The following MAX variants were observed in gnomAD, a reference collection of about 807,000 sequenced individuals.
MAX encodes the protein MYC associated transcriptional regulator X, also known as protein max.
A neutral mutation model predicts 22.3 loss-of-function variants in MAX; 3 were observed. The observed-to-expected ratio is 0.13, with a 90% CI of 0.06 to 0.35. The LOEUF (loss-of-function observed/expected upper bound fraction) is 0.35. Among genes scored for constraint, MAX ranks in the 10% least tolerant of loss-of-function variants. MAX has a pLI of 1.00. For synonymous variants in MAX, 72 were observed against 77.7 expected, an observed-to-expected ratio of 0.93 and a Z score of 0.39; for missense variants, 119 against 209.4, an observed-to-expected ratio of 0.57 and a Z score of 2.66.
At chr14:65,100,761 T>C (rs1263967289) in intron 2 of MAX, among the ~76,000 whole-genome samples, 2 of 152,226 alleles carry the variant, frequency 1.3e-5, no homozygotes, top group African/African-American at 2.4e-5. Context: ...TCAAATCTAT[T>C]CATGAAACAT....
intron 3 of MAX, among the ~76,000 whole-genome samples, chr14:65,068,020 A>G (rs1187105046): frequency 6.6e-6 from 1 of 152,146 alleles, no homozygotes; most frequent in South Asian, 2.1e-4. Flanking sequence ...AACCTGCTTC[A>G]TCATGTTTAT....
At position 65,019,792 on chromosome 14, in the gene MAX, G is replaced by A. The variant is rs3783718; in HGVS notation, c.172-13508C>T. On this transcript the variant is annotated intron_variant, in intron 3 of 3. Transcript: ENST00000341653. Reference sequence around the variant, plus strand: ...TCTAGGTGCAGAAAACACTTGTTATGAACAAAGCCTACTGGCTCTGACCCA... The same window carrying A: ...TCTAGGTGCAGAAAACACTTGTTATAAACAAAGCCTACTGGCTCTGACCCA... 6.5e-3 allele frequency among the ~76,000 whole-genome samples: 983 copies of A among 152,238 alleles called. 16 individuals are homozygous for A. Among genetic ancestry groups the A allele is most frequent in the South Asian group, 0.044 (210 of 4,816 alleles).
At chr14:65,081,817 G>A (rs1342087700) in intron 3 of MAX, among the ~76,000 whole-genome samples, 2 of 152,156 alleles carry the variant, frequency 1.3e-5, no homozygotes, top group Non-Finnish European at 2.9e-5. Flanking sequence ...CAGGGTGGAT[G>A]GTGGCTGAAG....
At position 65,094,949 on chromosome 14, in the gene MAX, T is replaced by C. The variant is rs73272606; in HGVS notation, c.64-1134A>G. 6.8e-3 allele frequency among the ~76,000 whole-genome samples: 1,042 copies of C among 152,282 alleles called. 7 individuals carry two copies. The highest frequency in any genetic ancestry group is 0.024 in the African/African-American group (992 of 41,542). ...GGGAAGTTCAGGTAGCTTAAATCTA[T>C]ACAAACAGAGGGCCAGAAATTCAAA... On this transcript the variant is annotated intron_variant, in intron 2 of 4. Coordinates refer to ENST00000358664, the MANE Select transcript of MAX (RefSeq NM_002382.5).
intron 3 of MAX, among the ~76,000 whole-genome samples, chr14:65,008,540 G>A (rs2061631554): frequency 6.6e-6 from 1 of 152,224 alleles, no homozygotes; most frequent in African/African-American, 2.4e-5. Context: ...GAATCACTGG[G>A]AGAATCTAAT....
Position 65,007,537 on chromosome 14 carries a change from A to G in MAX, c.172-1253T>C, listed in dbSNP as rs556695895. On this transcript the variant is annotated intron_variant, in intron 3 of 3. Coordinates refer to the MAX transcript ENST00000341653. This position sits in a 1 kb window ranked among gnomAD's most constrained non-coding sequence, Gnocchi z 4.9. The stretch of plus-strand genomic sequence containing the variant: ...AGACTGGGCTGAAAGTCAAGCCTGG[A>G]GCTGAATGTCAGTACATTCTATACT... Among the ~76,000 whole-genome samples the G allele has an allele frequency of 3.9e-5, 6 of 152,366 alleles. No homozygotes were observed. In the South Asian group the frequency reaches 1.2e-3, roughly 32 times the overall value.
rs1239420648 is a variant in MAX, at chr14:65,102,347, G to A, written c.-8C>T. ...GTCATCGTTATCGCTCATTTCCTAC[G>A]GCCCAGGGAGCGGCCACTGCAGCGG... is the stretch of plus-strand genomic sequence containing the variant. On this transcript the variant is annotated 5_prime_UTR_variant, in exon 1 of 5. Transcript: ENST00000358664. 7 of 1,613,496 alleles carry A rather than the reference G, an allele frequency of 4.3e-6. No individual in the cohort carries two copies. In the Admixed American group the frequency reaches 8.3e-5, roughly 19 times the overall value.
rs561525266 is a variant in MAX at position 65,076,179 on chromosome 14, G to A, written c.*297C>T. The stretch of plus-strand genomic sequence containing the variant: ...ACACTATGTGCTCAGAGGTCCGGCC[G>A]GCCGTCTGTCCTCCACAGAAAAAGC... On this transcript the variant is annotated 3_prime_UTR_variant, in exon 5 of 5. Coordinates refer to ENST00000358664, the MANE Select transcript of MAX (RefSeq NM_002382.5). The surrounding 1 kb of genome is among the most constrained non-coding windows in gnomAD (Gnocchi z 6.6). The A allele has an allele frequency of 2.4e-3, 3,296 of 1,390,352 alleles. 102 individuals carry two copies. In the South Asian group the frequency reaches 0.049, roughly 20 times the overall value. 86.1% of individuals were successfully genotyped at this position (1,390,352 alleles called of 1,614,324 possible). A position where few individuals can be genotyped will look rare whatever the true frequency, so the allele number is the denominator to read the frequency against.
At chr14:65,024,441 G>A (rs981836063) in intron 3 of MAX, among the ~76,000 whole-genome samples, 1 of 152,146 alleles carries the variant, frequency 6.6e-6, no homozygotes, top group Non-Finnish European at 1.5e-5. Context: ...CAAAGGCCCA[G>A]GATCTTTTCC....
At chr14:65,102,633 G>T (rs980864517), upstream of MAX, 1 of 1,178,234 alleles carries the variant, frequency 8.5e-7, no homozygotes. Context: ...GACGGCCCGG[G>T]TAGCTCCAGA....
chr14:65,006,747 G>A (rs1053947897), intron 3 of MAX, among the ~76,000 whole-genome samples: 2 of 152,108 alleles, frequency 1.3e-5, no homozygotes, highest in African/African-American at 4.8e-5. Context: ...TAGAGCCCTT[G>A]GTCTCTTTCA....
At chr14:65,040,886 G>C (rs764889902) in intron 3 of MAX, 1 of 1,614,044 alleles carries the variant, frequency 6.2e-7, no homozygotes, top group South Asian at 1.1e-5. Context: ...TAATCCTCAA[G>C]AGGGAACGTT....
chr14:65,007,538 G>A lies in MAX; in HGVS notation c.172-1254C>T, dbSNP rs1175451873. Among the ~76,000 whole-genome samples, 2 of 152,220 alleles carry A rather than the reference G, an allele frequency of 1.3e-5. No individual in the cohort carries two copies. Among genetic ancestry groups the A allele is most frequent in the Non-Finnish European group, 2.9e-5 (2 of 68,038 alleles). On this transcript the variant is annotated intron_variant, in intron 3 of 3. Transcript: ENST00000341653. The surrounding 1 kb of genome is among the most constrained non-coding windows in gnomAD (Gnocchi z 4.9). ...GACTGGGCTGAAAGTCAAGCCTGGAGCTGAATGTCAGTACATTCTATACTT... is the reference window on the plus strand; with the variant it reads ...GACTGGGCTGAAAGTCAAGCCTGGAACTGAATGTCAGTACATTCTATACTT...
intron 1 of MAX, chr14:65,101,809 G>A: frequency 1.7e-6 from 1 of 583,280 alleles, no homozygotes; most frequent in East Asian, 2.9e-5. Context: ...CTGGGCCAGA[G>A]GGGTCCCGAG....
At chr14:65,024,133 C>T (rs1416372802) in intron 3 of MAX, among the ~76,000 whole-genome samples, 2 of 151,906 alleles carry the variant, frequency 1.3e-5, no homozygotes, top group African/African-American at 4.8e-5. Context: ...ACTCTCAGAC[C>T]CATCTAGTTC....
intron 3 of MAX, among the ~76,000 whole-genome samples, chr14:65,008,698 G>A (rs1478953724): frequency 6.6e-6 from 1 of 152,234 alleles, no homozygotes; most frequent in African/African-American, 2.4e-5. Context: ...ACTGAAAGGA[G>A]CGGAGCTCAA....
intron 3 of MAX, among the ~76,000 whole-genome samples, chr14:65,085,312 A>C (rs1472388992): frequency 6.6e-6 from 1 of 152,210 alleles, no homozygotes; most frequent in African/African-American, 2.4e-5. Flanking sequence ...TGTCATAGCC[A>C]AAGGGAAGGC....
chr14:65,053,842 C>T (rs1273047127), intron 3 of MAX, among the ~76,000 whole-genome samples: 2 of 152,154 alleles, frequency 1.3e-5, no homozygotes, highest in African/African-American at 2.4e-5. Flanking sequence ...TCCCAGCACA[C>T]GTCCTGCTGC....
chr14:65,040,948 C>T (rs1210934374), intron 3 of MAX: 3 of 1,608,962 alleles, frequency 1.9e-6, no homozygotes, highest in Non-Finnish European at 2.5e-6. Flanking sequence ...ATCCCCCTCT[C>T]AGGCCCCAGG....
Sources: gnomAD v4.1 joint callset for allele counts (sites outside exome capture counted in the v4.1 genomes callset) on GRCh38, gnomAD v4.1.1 for gene constraint, Gnocchi (gnomAD v3.1) non-coding constraint, MANE v1.5 for transcripts, NCBI Gene and HGNC (gene_info 2026-07-23, HGNC 2026-07-21) for gene names.